The following PITRM1 variants were observed in gnomAD, a reference collection of about 807,000 sequenced individuals.
PITRM1 encodes pitrilysin metallopeptidase 1, also known as presequence protease, mitochondrial.
PITRM1 carries 100 observed loss-of-function variants against 129.9 expected under a neutral mutation model. That is an observed-to-expected ratio of 0.77 (90% CI 0.65 to 0.91). The LOEUF (loss-of-function observed/expected upper bound fraction) is 0.91. Ranked by LOEUF, PITRM1 falls within the 40% of genes least tolerant of loss-of-function variation. The probability of loss-of-function intolerance (pLI) is 0.00; values close to 1 mark genes in which losing one functional copy is unlikely to be tolerated. For synonymous variants in PITRM1, 591 were observed against 508.8 expected (o/e 1.16, Z -2.17); for missense variants, 1,471 against 1,318.3 (o/e 1.12, Z -1.79).
At chr10:3,165,121 A>C in intron 6 of PITRM1, 117 bp downstream of exon 6, 1 of 809,554 alleles carries the variant, frequency 1.2e-6, no homozygotes, top group Non-Finnish European at 1.9e-6. Flanking sequence ...CAGCTAATTC[A>C]AGAATGTATC....
rs560633984 is a variant in PITRM1 at position 3,172,452 on chromosome 10, G to A, written c.56+265C>T. Among the ~76,000 whole-genome samples, 11 of 152,322 alleles carry A rather than the reference G, an allele frequency of 7.2e-5. No individual in the cohort carries two copies. The East Asian group carries it at 1.4e-3, about 19-fold the overall frequency. ...TACCCCCGTTAAAGCCCACGCTAAT[G>A]GAGGGCCCCGCCGGGAGCGCCGCGG... On this transcript the variant is annotated intron_variant, in intron 1 of 26. Transcript: ENST00000224949.
chr10:3,138,981 A>C lies in PITRM1; in HGVS notation c.2840T>G (p.Phe947Cys). ...GGCTTCGTCGATGTCTTGCTGTGTGAATTTTCCAGACTTAGCCCAGTCGAC... is the reference window on the plus strand; with the variant it reads ...GGCTTCGTCGATGTCTTGCTGTGTGCATTTTCCAGACTTAGCCCAGTCGAC... ...KAVDWAKSGK[F>C]TQQDIDEAKL... Residue 947 changes from phenylalanine to cysteine, a missense_variant, in exon 25 of 27, where the codon TTC (phenylalanine) becomes TGC (cysteine). Phe to Cys is a radical substitution (Grantham distance 205). Coordinates refer to ENST00000224949, the MANE Select transcript of PITRM1 (RefSeq NM_014889.4). 1 of 1,613,882 alleles carries C rather than the reference A, an allele frequency of 6.2e-7. No homozygotes were observed. The highest frequency in any genetic ancestry group is 8.5e-7 in the Non-Finnish European group (1 of 1,179,788).
intron 6 of PITRM1, 73 bp downstream of exon 6, chr10:3,165,165 G>C: frequency 9.8e-7 from 1 of 1,018,068 alleles, no homozygotes; most frequent in East Asian, 2.6e-5. Flanking sequence ...AAATCTTCCA[G>C]ATGTGTCTAT....
intron 26 of PITRM1, 23 bp from the exon 27 acceptor site, chr10:3,138,147 C>T: frequency 1.3e-6 from 2 of 1,589,436 alleles, no homozygotes; most frequent in Non-Finnish European, 1.7e-6. Context: ...CAGGCGTGGT[C>T]AGCAAGGACT....
chr10:3,138,023 A>G lies in PITRM1; in HGVS notation c.*8T>C, dbSNP rs760892954. 1 of 1,570,188 alleles carries G rather than the reference A, an allele frequency of 6.4e-7. No individual in the cohort carries two copies. The highest frequency in any genetic ancestry group is 1.7e-5 in the Admixed American group (1 of 58,110). ...TCGGGCTCCTGTGCAGTCGAGCGCC[A>G]CGGCTGCTCATTGGATGATCCAGGA... On this transcript the variant is annotated 3_prime_UTR_variant, in exon 27 of 27. Coordinates refer to ENST00000224949, the MANE Select transcript of PITRM1 (RefSeq NM_014889.4).
chr10:3,172,142 C>T (rs901545412), intron 1 of PITRM1: 4 of 455,302 alleles, frequency 8.8e-6, no homozygotes, highest in African/African-American at 6.0e-5. Flanking sequence ...CACGGACGCC[C>T]CGTGCCTCCC....
intron 1 of PITRM1, among the ~76,000 whole-genome samples, chr10:3,170,755 G>A (rs544317475): frequency 6.6e-6 from 1 of 152,098 alleles, no homozygotes; most frequent in South Asian, 2.1e-4. Context: ...CAGCACTTTG[G>A]GAGGCCTGGG....
At chr10:3,148,730 G>A (rs940094787) in intron 16 of PITRM1, 5 of 157,566 alleles carry the variant, frequency 3.2e-5, no homozygotes, top group African/African-American at 1.2e-4. Flanking sequence ...GGTTTTTTAA[G>A]TTTTTAAGAA....
intron 23 of PITRM1, among the ~76,000 whole-genome samples, chr10:3,141,332 C>A (rs922579113): frequency 6.6e-6 from 1 of 152,174 alleles, no homozygotes; most frequent in Non-Finnish European, 1.5e-5. Context: ...CTTAACACTT[C>A]CAGCACCACA....
Position 3,149,667 on chromosome 10 carries a change from C to G in PITRM1, c.1825G>C (p.Glu609Gln). The G allele has an allele frequency of 3.1e-6, 5 of 1,604,762 alleles. No individual in the cohort carries two copies. The South Asian group carries it at 3.4e-5, about 11-fold the overall frequency. ...RAFSSLNTLP[E>Q]ELRPYVPLFC... ...AGGGGCACATAGGGCCTCAGCTCCT[C>G]GGGGAGTGTGTTCAGGCTGGAGAAG... Residue 609 changes from glutamate to glutamine, a missense_variant, in exon 16 of 27, where the codon GAG becomes CAG. Transcript: ENST00000224949.
chr10:3,147,391 G>A (rs1841000744), intron 19 of PITRM1, 141 bp from the exon 20 acceptor site: 1 of 927,188 alleles, frequency 1.1e-6, no homozygotes, highest in Non-Finnish European at 1.7e-6. Flanking sequence ...GGCTGGAACT[G>A]GGATGCAGGG....
In PITRM1 at chr10:3,170,188, C is replaced by A; in HGVS notation, c.75G>T (p.Ala25=). 1.9e-6 allele frequency: 3 copies of A among 1,613,804 alleles called. No individual in the cohort carries two copies. Among genetic ancestry groups the A allele is most frequent in the Non-Finnish European group, 2.5e-6 (3 of 1,179,704 alleles). Reference sequence around the variant, plus strand: ...AAGCCCGGTTACTGTTCCATCGCCACGCTCTGTGGTGTGCATGTCTAGATT... The same window carrying A: ...AAGCCCGGTTACTGTTCCATCGCCAAGCTCTGTGGTGTGCATGTCTAGATT... The part of the protein sequence containing the change: ...RLSGGHAHHR[A]WRWNSNRACE... The change falls in exon 2 of 27, where the codon GCG becomes GCT. Residue 25 remains alanine (A), a synonymous_variant. Transcript: ENST00000224949.
At chr10:3,165,360 T>G in intron 5 of PITRM1, 26 bp from the exon 6 acceptor site, 1 of 1,598,786 alleles carries the variant, frequency 6.3e-7, no homozygotes, top group East Asian at 2.2e-5. Context: ...TATAAGCTGA[T>G]AGTGACTCAA....
intron 14 of PITRM1, among the ~76,000 whole-genome samples, chr10:3,151,847 T>C (rs2388555): frequency 0.66 from 100,213 of 152,066 alleles, 33,240 homozygotes; most frequent in Non-Finnish European, 0.7. Context: ...GTGATCCTTC[T>C]GCCTTAGCCT....
chr10:3,154,566 T>TA (rs1169740182), intron 14 of PITRM1, among the ~76,000 whole-genome samples: 1 of 152,238 alleles, frequency 6.6e-6, no homozygotes, highest in Admixed American at 6.5e-5. Context: ...TACATTTCCC[T>TA]AAGAAAGTAA....
chr10:3,139,136 C>T, intron 24 of PITRM1, 87 bp from the exon 25 acceptor site: 2 of 1,131,606 alleles, frequency 1.8e-6, no homozygotes, highest in Non-Finnish European at 2.6e-6. Context: ...AGTTCAACAT[C>T]TTCTATGGGT....
At position 3,149,717 on chromosome 10, in the gene PITRM1, GTGGGC is replaced by G; in HGVS notation, c.1770_1774del (p.Gln590HisfsTer40). On this transcript the variant is annotated frameshift_variant, in exon 16 of 27. Transcript: ENST00000224949. LOFTEE classifies it high-confidence loss of function. ...GGCCCGGAAATACACCATGCCATTGGTGGGCTGGGCGCAGTACTGAACAGGGATAT... is the reference window on the plus strand; with the variant it reads ...GGCCCGGAAATACACCATGCCATTGGTGGGCGCAGTACTGAACAGGGATAT... The G allele has an allele frequency of 1.2e-6, 2 of 1,612,314 alleles. No individual in the cohort carries two copies. The highest frequency in any genetic ancestry group is 1.7e-6 in the Non-Finnish European group (2 of 1,179,468).
chr10:3,139,039 T>C lies in PITRM1; in HGVS notation c.2782A>G (p.Thr928Ala). Residue 928 changes from threonine (T) to alanine (A), a missense_variant, in exon 25 of 27, where the codon ACA becomes GCA. Physicochemically the swap from Thr to Ala is moderately conservative, Grantham distance 58. Transcript: ENST00000224949. Reference protein sequence around the residue: ...FTLYSYRDPNTIETLQSFGKA... With the variant: ...FTLYSYRDPNAIETLQSFGKA... ...CCAAAAGACTGGAGCGTCTCTATTGTATTTGGGTCCCTAGGAAACCCAGAG... is the reference window on the plus strand; with the variant it reads ...CCAAAAGACTGGAGCGTCTCTATTGCATTTGGGTCCCTAGGAAACCCAGAG... 1 of 1,613,792 alleles carries C rather than the reference T, an allele frequency of 6.2e-7. No homozygotes were observed. Among genetic ancestry groups the C allele is most frequent in the Non-Finnish European group, 8.5e-7 (1 of 1,179,788 alleles).
intron 16 of PITRM1, chr10:3,149,204 G>C (rs1270864069): frequency 1.3e-5 from 2 of 159,166 alleles, no homozygotes; most frequent in African/African-American, 4.8e-5. Flanking sequence ...TGTGTTTCCA[G>C]ATCTGTGCAC....
Sources: gnomAD v4.1 joint callset for allele counts (sites outside exome capture counted in the v4.1 genomes callset) on GRCh38, gnomAD v4.1.1 for gene constraint, MANE v1.5 for transcripts, NCBI Gene and HGNC (gene_info 2026-07-23, HGNC 2026-07-21) for gene names.